Variants in CSMD1 observed in about 807,000 individuals in gnomAD.
CSMD1 encodes the protein CUB and Sushi multiple domains 1.
A neutral mutation model predicts 417.5 loss-of-function variants in CSMD1; 213 were observed. The ratio of observed to expected loss-of-function variants is 0.51; its 90% CI spans 0.46 to 0.57. CSMD1 has a LOEUF of 0.57. CSMD1 is among the 20% of genes least tolerant of loss of function. The pLI is 0.00. For missense variants in CSMD1, 6,923 were observed against 4,529.7 expected, an observed-to-expected ratio of 1.53 and a Z score of -15.17; for synonymous variants, 2,862 against 1,736.8, an observed-to-expected ratio of 1.65 and a Z score of -16.11.
intron 3 of CSMD1, among the ~76,000 whole-genome samples, chr8:4,048,518 ACATC>A (rs1302440233): frequency 2.0e-5 from 3 of 152,198 alleles, no homozygotes; most frequent in African/African-American, 7.2e-5. Context: ...AAGTTAAGGA[ACATC>A]CCTCAGGTTT....
intron 3 of CSMD1, among the ~76,000 whole-genome samples, chr8:4,181,087 G>T (rs1240262460): frequency 6.6e-6 from 1 of 152,086 alleles, no homozygotes; most frequent in East Asian, 1.9e-4. Context: ...CAGACCTATT[G>T]AACATTCCAA....
intron 3 of CSMD1, among the ~76,000 whole-genome samples, chr8:4,132,544 G>C (rs921754061): frequency 2.6e-5 from 4 of 152,130 alleles, no homozygotes; most frequent in South Asian, 4.1e-4. Flanking sequence ...AAAATGCAAA[G>C]GGGGCAATAA....
intron 2 of CSMD1, among the ~76,000 whole-genome samples, chr8:4,437,062 T>C (rs1480900101): frequency 6.6e-6 from 1 of 152,182 alleles, no homozygotes; most frequent in Non-Finnish European, 1.5e-5. Context: ...GGTAATTTAA[T>C]GGGACAGGCT....
intron 7 of CSMD1, among the ~76,000 whole-genome samples, chr8:3,643,682 C>CGG (rs1797426312): frequency 7.8e-6 from 1 of 127,800 alleles, no homozygotes; most frequent in Non-Finnish European, 1.5e-5. Flanking sequence ...GCCTGGGCGA[C>CGG]AGCGTGAGAC....
intron 12 of CSMD1, among the ~76,000 whole-genome samples, chr8:3,455,548 C>A (rs571860363): frequency 6.6e-5 from 10 of 152,354 alleles, no homozygotes; most frequent in African/African-American, 2.4e-4. Context: ...CCCTCAGCTG[C>A]AGGTCTGTTG....
chr8:4,846,272 A>G (rs1464837636), intron 1 of CSMD1, among the ~76,000 whole-genome samples: 2 of 152,226 alleles, frequency 1.3e-5, no homozygotes, highest in African/African-American at 4.8e-5. Context: ...TGTGTGAAGT[A>G]AGATCTTTAA....
At chr8:4,148,879 G>A (rs139046509) in intron 3 of CSMD1, among the ~76,000 whole-genome samples, 1 of 152,122 alleles carries the variant, frequency 6.6e-6, no homozygotes, top group African/African-American at 2.4e-5. Flanking sequence ...GAGAGACACA[G>A]CCTGCATTCC....
intron 5 of CSMD1, among the ~76,000 whole-genome samples, chr8:3,884,570 C>T (rs1023389673): frequency 4.6e-5 from 7 of 152,160 alleles, no homozygotes; most frequent in Non-Finnish European, 8.8e-5. Context: ...TGTGGAATTG[C>T]ACACATACAC....
chr8:4,464,358 GAA>G (rs935956482), intron 2 of CSMD1, among the ~76,000 whole-genome samples: 3 of 152,160 alleles, frequency 2.0e-5, no homozygotes, highest in African/African-American at 7.2e-5. Flanking sequence ...ATTGTAAGCT[GAA>G]AAGAGTGATG....
At chr8:3,347,900 T>G (rs1301649425) in intron 22 of CSMD1, 92 bp downstream of exon 22, 1 of 729,588 alleles carries the variant, frequency 1.4e-6, no homozygotes. Flanking sequence ...TATGTTAATA[T>G]GTGCATATAT....
intron 3 of CSMD1, among the ~76,000 whole-genome samples, chr8:4,407,375 T>C (rs1805104458): frequency 6.6e-6 from 1 of 152,236 alleles, no homozygotes; most frequent in Non-Finnish European, 1.5e-5. Flanking sequence ...CTATGACTCT[T>C]GTTTAACAGG....
At chr8:3,099,131 C>G (rs1457621109) in intron 46 of CSMD1, among the ~76,000 whole-genome samples, 1 of 151,998 alleles carries the variant, frequency 6.6e-6, no homozygotes, top group East Asian at 1.9e-4. Flanking sequence ...TAAGCCTTAT[C>G]CAAGCGCTGC....
intron 7 of CSMD1, among the ~76,000 whole-genome samples, chr8:3,668,012 G>C (rs1315029088): frequency 3.3e-5 from 5 of 152,120 alleles, no homozygotes; most frequent in Admixed American, 3.3e-4. Context: ...GTGCGCCTCA[G>C]AGCAAGCTGG....
At chr8:3,470,024 G>A (rs573256434) in intron 11 of CSMD1, among the ~76,000 whole-genome samples, 31 of 151,996 alleles carry the variant, frequency 2.0e-4, no homozygotes, top group Non-Finnish European at 3.7e-4. Context: ...CGCACAGATC[G>A]TGAATGTCTA....
At chr8:3,703,219 T>G (rs533479736) in intron 7 of CSMD1, among the ~76,000 whole-genome samples, 1 of 152,286 alleles carries the variant, frequency 6.6e-6, no homozygotes, top group East Asian at 1.9e-4. Context: ...AGAGTTGAAA[T>G]ATCTCTAAAG....
chr8:4,645,188 C>A (rs1189622821), intron 1 of CSMD1, among the ~76,000 whole-genome samples: 1 of 152,042 alleles, frequency 6.6e-6, no homozygotes, highest in Non-Finnish European at 1.5e-5. Context: ...ACGTTGGCAT[C>A]TCTGCTTTTT....
intron 6 of CSMD1, among the ~76,000 whole-genome samples, chr8:3,711,696 C>A (rs896653157): frequency 1.3e-5 from 2 of 152,156 alleles, no homozygotes; most frequent in Admixed American, 6.5e-5. Flanking sequence ...CTCAGAAGTC[C>A]TCTGCCAGCT....
chr8:3,197,431 T>G (rs916735942), intron 33 of CSMD1, among the ~76,000 whole-genome samples: 1 of 150,430 alleles, frequency 6.6e-6, no homozygotes, highest in African/African-American at 2.5e-5. Context: ...AAGCACTGTT[T>G]AGAATATTTT....
At chr8:4,176,615 C>T (rs1798058357) in intron 3 of CSMD1, among the ~76,000 whole-genome samples, 1 of 5,302 alleles carries the variant, frequency 1.9e-4, no homozygotes, top group Non-Finnish European at 2.9e-3. Flanking sequence ...AATTCTAATC[C>T]ATAAAAGACA....
Sources: gnomAD v4.1 joint callset for allele counts (sites outside exome capture counted in the v4.1 genomes callset) on GRCh38, gnomAD v4.1.1 for gene constraint, MANE v1.5 for transcripts, NCBI Gene and HGNC (gene_info 2026-07-23, HGNC 2026-07-21) for gene names.